Variants in MYOF observed in about 807,000 individuals in gnomAD.
MYOF encodes the protein fer-1-like 3, myoferlin.
Under a neutral mutation model 284.2 loss-of-function variants are expected in MYOF, and 244 were observed. The observed-to-expected ratio is 0.86, with a 90% confidence interval of 0.77 to 0.95. MYOF has a LOEUF of 0.95. Among genes scored for constraint, MYOF ranks in the 40% least tolerant of loss-of-function variants. MYOF has a pLI of 0.00. For synonymous variants in MYOF, 904 were observed against 919.7 expected (o/e 0.98, Z 0.31); for missense variants, 2,496 against 2,560.6 (o/e 0.97, Z 0.54).
chr10:93,425,986 T>C (rs988993014), intron 5 of MYOF, 85 bp downstream of exon 5: 4 of 1,373,370 alleles, frequency 2.9e-6, no homozygotes, highest in Non-Finnish European at 4.0e-6. Context: ...TTGTGATCAA[T>C]GGCAGGGTTT....
At chr10:93,427,086 T>G (rs1249485588) in intron 4 of MYOF, among the ~76,000 whole-genome samples, 2 of 150,742 alleles carry the variant, frequency 1.3e-5, no homozygotes, top group African/African-American at 4.9e-5. Flanking sequence ...TGGGGTTTCA[T>G]CTTGTTGGCC....
At chr10:93,469,151 G>A (rs1405286837) in intron 1 of MYOF, among the ~76,000 whole-genome samples, 2 of 152,174 alleles carry the variant, frequency 1.3e-5, no homozygotes, top group East Asian at 3.9e-4. Context: ...CATAATCCCA[G>A]CATTTTGGGA....
intron 32 of MYOF, among the ~76,000 whole-genome samples, chr10:93,352,623 T>C (rs551489900): frequency 2.6e-5 from 4 of 152,236 alleles, no homozygotes; most frequent in Non-Finnish European, 5.9e-5. Context: ...CTGACTTATC[T>C]GAAAAATAAC....
In MYOF at chr10:93,319,898, C is replaced by T. The variant is rs771346954; in HGVS notation, c.5572G>A (p.Glu1858Lys). The T allele has an allele frequency of 3.0e-5, 48 of 1,613,952 alleles. No individual in the cohort carries two copies. In the Admixed American group the frequency reaches 5.3e-4, roughly 18 times the overall value. The change falls in exon 49 of 54, where the codon GAA becomes AAA. Residue 1858 changes from glutamate (E) to lysine (K), a missense_variant. Around this residue, in one of 3 missense-constraint regions of MYOF, gnomAD observed 2,436 missense variants for 2,480.7 expected, o/e 0.98. Transcript: ENST00000359263. ...TTTTTCGCAACGATACAGAGTTGTTCGGCTGGAAGGTAGTCAAACGGGAAA... is the reference window on the plus strand; with the variant it reads ...TTTTTCGCAACGATACAGAGTTGTTTGGCTGGAAGGTAGTCAAACGGGAAA... ...FVFPFDYLPA[E>K]QLCIVAKKEH...
In MYOF at chr10:93,482,224, G is replaced by A. The variant is rs771566602; in HGVS notation, c.-30C>T. On this transcript the variant is annotated 5_prime_UTR_variant, in exon 1 of 54. Coordinates refer to ENST00000359263, the MANE Select transcript of MYOF (RefSeq NM_013451.4). ...CTTAGCTGGTAGAAAGCAAGTTTCA[G>A]CAAACGAAGTGGAGACTAGGGCGCT... The A allele has an allele frequency of 1.9e-6, 3 of 1,597,684 alleles. No homozygotes were observed. In the South Asian group the frequency reaches 3.3e-5, roughly 18 times the overall value.
At chr10:93,441,757 G>T (rs2134261264) in intron 3 of MYOF, among the ~76,000 whole-genome samples, 1 of 151,888 alleles carries the variant, frequency 6.6e-6, no homozygotes, top group East Asian at 1.9e-4. Context: ...AGAGACGGGG[G>T]TTTGCCCATG....
chr10:93,438,013 C>A (rs745603276), intron 3 of MYOF, among the ~76,000 whole-genome samples: 15 of 152,176 alleles, frequency 9.9e-5, no homozygotes, highest in Non-Finnish European at 1.5e-4. Context: ...AGCAGAGAAT[C>A]CTACTCGGTC....
In MYOF at chr10:93,353,823, C is replaced by A. The variant is rs1431365033; in HGVS notation, c.3469G>T (p.Asp1157Tyr). 2 of 1,608,352 alleles carry A rather than the reference C, an allele frequency of 1.2e-6. No homozygotes were observed. The highest frequency in any genetic ancestry group is 1.3e-5 in the African/African-American group (1 of 74,624). Residue 1157 changes from aspartate to tyrosine, a missense_variant, in exon 32 of 54, where the codon GAT (aspartate) becomes TAT (tyrosine). Physicochemically the swap from Asp to Tyr is radical, Grantham distance 160. Coordinates refer to ENST00000359263, the MANE Select transcript of MYOF (RefSeq NM_013451.4). ...QARNLLALDK[D>Y]SFSDPYAHIC... ...TTTTTTCCTTTACCTGAAAAGCTAT[C>A]CTTATCTAAAGCCAAGAGGTTTCTG...
chr10:93,311,520 C>T (rs1016941406), intron 51 of MYOF, among the ~76,000 whole-genome samples: 4 of 149,172 alleles, frequency 2.7e-5, no homozygotes, highest in African/African-American at 9.9e-5. Flanking sequence ...ACTTGGGAGG[C>T]AGAGGTTGCA....
At chr10:93,328,631 G>A in intron 45 of MYOF, 132 bp downstream of exon 45, 1 of 873,892 alleles carries the variant, frequency 1.1e-6, no homozygotes, top group Non-Finnish European at 1.7e-6. Context: ...CGTGGCTGTT[G>A]TTAGTGTCAC....
At chr10:93,433,060 G>A (rs1201382947) in intron 3 of MYOF, among the ~76,000 whole-genome samples, 1 of 152,192 alleles carries the variant, frequency 6.6e-6, no homozygotes, top group Admixed American at 6.5e-5. Context: ...AAGCGAGGAA[G>A]TTCCTTGTGT....
intron 1 of MYOF, among the ~76,000 whole-genome samples, chr10:93,478,666 AC>A (rs1209150956): frequency 1.2e-5 from 1 of 80,148 alleles, no homozygotes; most frequent in Non-Finnish European, 3.3e-5. Context: ...CCCTGTCTCT[AC>A]AAAAAAAATT....
rs1478066656 is a variant in MYOF, at chr10:93,393,147, C to T, written c.1418-192G>A. Reference sequence around the variant, plus strand: ...CTCATCGGTTAAATGCAAAATGACCCGGGCAGAACCACCACACATGAATAA... The same window carrying T: ...CTCATCGGTTAAATGCAAAATGACCTGGGCAGAACCACCACACATGAATAA... On this transcript the variant is annotated intron_variant, in intron 16 of 53. Coordinates refer to ENST00000359263, the MANE Select transcript of MYOF (RefSeq NM_013451.4). Among the ~76,000 whole-genome samples, 3 of 152,236 alleles carry T rather than the reference C, an allele frequency of 2.0e-5. No individual in the cohort carries two copies. The highest frequency in any genetic ancestry group is 1.9e-4 in the East Asian group (1 of 5,180).
At chr10:93,429,311 G>A (rs1029759685) in intron 4 of MYOF, among the ~76,000 whole-genome samples, 6 of 152,078 alleles carry the variant, frequency 3.9e-5, no homozygotes, top group African/African-American at 9.7e-5. Context: ...AGCAGATATC[G>A]GTGCCATGCT....
intron 50 of MYOF, among the ~76,000 whole-genome samples, chr10:93,316,273 A>G (rs983162871): frequency 1.3e-5 from 2 of 151,812 alleles, no homozygotes; most frequent in Non-Finnish European, 2.9e-5. Flanking sequence ...GCCCGGGCTA[A>G]GGGTGCATTG....
intron 16 of MYOF, among the ~76,000 whole-genome samples, chr10:93,393,826 T>C (rs144967491): frequency 2.6e-5 from 4 of 151,578 alleles, no homozygotes; most frequent in Non-Finnish European, 5.9e-5. Flanking sequence ...TCCACACTTT[T>C]ACACTGTAAT....
chr10:93,463,680 G>A (rs1387740144), intron 1 of MYOF, among the ~76,000 whole-genome samples: 3 of 151,734 alleles, frequency 2.0e-5, no homozygotes, highest in Non-Finnish European at 2.9e-5. Context: ...AATTACAGGC[G>A]TGAGGCACCA....
At chr10:93,441,551 A>T (rs1480555488) in intron 3 of MYOF, among the ~76,000 whole-genome samples, 92 of 144,564 alleles carry the variant, frequency 6.4e-4, no homozygotes, top group Non-Finnish European at 1.0e-3. Context: ...TGCCTGGCTA[A>T]TTTTTGTATC....
intron 43 of MYOF, among the ~76,000 whole-genome samples, chr10:93,331,320 C>T (rs774029548): frequency 2.6e-5 from 4 of 152,110 alleles, no homozygotes; most frequent in Admixed American, 6.5e-5. Flanking sequence ...GCTGCAGAGC[C>T]GGCATCTCCT....
Sources: allele counts gnomAD v4.1 joint callset (sites outside exome capture counted in the v4.1 genomes callset), GRCh38; gene constraint gnomAD v4.1.1; regional missense constraint gnomAD v4.1.1; transcripts MANE v1.5; gene names NCBI Gene and HGNC (gene_info 2026-07-23, HGNC 2026-07-21).